PREX1: variants seen among roughly 807,000 people sequenced by gnomAD.
PREX1 encodes phosphatidylinositol 3,4,5-trisphosphate-dependent Rac exchanger 1 protein.
Under a neutral mutation model 198.3 loss-of-function variants are expected in PREX1, and 41 were observed. The ratio of observed to expected loss-of-function variants is 0.21; its 90% confidence interval spans 0.16 to 0.27. The LOEUF is 0.27. PREX1 is among the 10% of genes least tolerant of loss of function. The probability of loss-of-function intolerance (pLI) is 1.00; values close to 1 mark genes in which losing one functional copy is unlikely to be tolerated. For missense variants in PREX1, 1,620 were observed against 2,200.7 expected (o/e 0.74, Z 5.28); for synonymous variants, 843 against 887.2 (o/e 0.95, Z 0.89).
intron 1 of PREX1, among the ~76,000 whole-genome samples, chr20:48,767,800 G>T (rs1428648421): frequency 6.6e-6 from 1 of 151,658 alleles, no homozygotes; most frequent in African/African-American, 2.4e-5. Context: ...GCCCCTCATC[G>T]TCACTGCACA....
intron 6 of PREX1, among the ~76,000 whole-genome samples, chr20:48,701,386 A>AT (rs1239450063): frequency 3.3e-5 from 5 of 151,700 alleles, no homozygotes; most frequent in Non-Finnish European, 7.4e-5. Context: ...CTAATTTTGT[A>AT]TTTTTTTAGA....
the PREX1 span, among the ~76,000 whole-genome samples, chr20:48,875,769 G>A: frequency 6.6e-6 from 1 of 152,160 alleles, no homozygotes; most frequent in African/African-American, 2.4e-5. Context: ...GGTGTCACGA[G>A]GCGACAGGTG....
intron 22 of PREX1, 76 bp downstream of exon 22, chr20:48,651,320 T>A: frequency 1.3e-6 from 2 of 1,513,896 alleles, no homozygotes; most frequent in South Asian, 2.6e-5. Context: ...ACCCAACTCC[T>A]TCTCCCAACC....
chr20:48,797,853 A>G lies in PREX1; in HGVS notation c.219+29789T>C, dbSNP rs1046879108. The stretch of plus-strand genomic sequence containing the variant: ...ACTGAGGCCCAGGAGAGTCGATGAC[A>G]GGCCTGCAGTCCTGACAGAGCCAGT... On this transcript the variant is annotated intron_variant, in intron 1 of 39. Transcript: ENST00000371941. Among the ~76,000 whole-genome samples the G allele has an allele frequency of 5.9e-5, 9 of 152,306 alleles. No homozygotes were observed. In the South Asian group the frequency reaches 1.9e-3, roughly 32 times the overall value.
rs1315303816 is a variant in PREX1, at chr20:48,691,220, G to A, written c.1037-124C>T. On this transcript the variant is annotated intron_variant, in intron 8 of 39. Coordinates refer to ENST00000371941, the MANE Select transcript of PREX1 (RefSeq NM_020820.4). This position sits in a 1 kb window ranked among gnomAD's most constrained non-coding sequence, Gnocchi z 5.0. ...CTCGCCTGGATCAGGATGGGGAGCT[G>A]GACTTCCAGCCCTTCAAACGCTCAC... The A allele has an allele frequency of 8.1e-7, 1 of 1,235,326 alleles. No homozygotes were observed. The highest frequency in any genetic ancestry group is 1.2e-6 in the Non-Finnish European group (1 of 864,558). 76.5% of individuals were successfully genotyped at this position (1,235,326 alleles called of 1,614,324 possible). A position where few individuals can be genotyped will look rare whatever the true frequency, so the allele number is the denominator to read the frequency against.
rs2089607413 is a variant in PREX1 at position 48,662,885 on chromosome 20, A to G, written c.1739-2824T>C. Among the ~76,000 whole-genome samples the G allele has an allele frequency of 3.3e-5, 5 of 152,236 alleles. No homozygotes were observed. The South Asian group carries it at 8.3e-4, about 25-fold the overall frequency. On this transcript the variant is annotated intron_variant, in intron 15 of 39. Transcript: ENST00000371941. ...AGTCACCACCCAGCAGAATGTCCAC[A>G]GCCAGCAGCCTTCCCGGAATAGCAG...
chr20:48,739,447 T>G (rs2090071422), intron 3 of PREX1, among the ~76,000 whole-genome samples: 1 of 152,246 alleles, frequency 6.6e-6, no homozygotes, highest in African/African-American at 2.4e-5. Context: ...CCAATTTCCC[T>G]GGGTGTCCTT....
chr20:48,830,087 G>T (rs1426298701), upstream of PREX1, among the ~76,000 whole-genome samples: 1 of 152,158 alleles, frequency 6.6e-6, no homozygotes, highest in African/African-American at 2.4e-5. Context: ...CTCCAGGCTG[G>T]GCACAGTGGC....
At chr20:48,762,259 T>C (rs2090183996) in intron 1 of PREX1, among the ~76,000 whole-genome samples, 1 of 152,222 alleles carries the variant, frequency 6.6e-6, no homozygotes, top group South Asian at 2.1e-4. Context: ...TTTGGGCTCC[T>C]CAGTTGTTGA....
chr20:48,747,796 C>T lies in PREX1; in HGVS notation c.291+13G>A, dbSNP rs1266558696. 2 of 1,609,526 alleles carry T rather than the reference C, an allele frequency of 1.2e-6. No homozygotes were observed. The highest frequency in any genetic ancestry group is 1.3e-5 in the African/African-American group (1 of 74,856). On this transcript the variant is annotated intron_variant, in intron 2 of 39. Coordinates refer to ENST00000371941, the MANE Select transcript of PREX1 (RefSeq NM_020820.4). ...AGATGCTCTAGAACAGGGGCCAGCC[C>T]CAGCGTCCACACCTTGACATTCTCC...
chr20:48,702,016 G>C (rs2089877427), intron 6 of PREX1, among the ~76,000 whole-genome samples: 1 of 152,094 alleles, frequency 6.6e-6, no homozygotes. Flanking sequence ...TTCAAGACCA[G>C]CCTGGCAACA....
chr20:48,718,623 T>A (rs149845938), intron 5 of PREX1, among the ~76,000 whole-genome samples: 1 of 152,160 alleles, frequency 6.6e-6, no homozygotes, highest in Non-Finnish European at 1.5e-5. Flanking sequence ...AATTGAACTC[T>A]ATGGAGTTAA....
At chr20:48,676,538 C>T (rs1285551713) in intron 13 of PREX1, among the ~76,000 whole-genome samples, 1 of 152,184 alleles carries the variant, frequency 6.6e-6, no homozygotes, top group Non-Finnish European at 1.5e-5. Context: ...TGTCTCTAGC[C>T]CAGGAGATCT....
intron 35 of PREX1, among the ~76,000 whole-genome samples, chr20:48,631,836 C>A (rs1222425604): frequency 1.3e-5 from 2 of 152,100 alleles, no homozygotes; most frequent in Non-Finnish European, 2.9e-5. Context: ...CTCCTGCTCT[C>A]ACCCCTCCTC....
chr20:48,627,219 G>GCACATGGCATGGGA (rs1951924065), intron 39 of PREX1, among the ~76,000 whole-genome samples: 5 of 146,716 alleles, frequency 3.4e-5, no homozygotes, highest in Non-Finnish European at 6.0e-5. Context: ...GGGGTGGGGG[G>GCACATGGCATGGGA]CACATGGCAT....
intron 1 of PREX1, among the ~76,000 whole-genome samples, chr20:48,823,214 C>T (rs745412043): frequency 2.6e-5 from 4 of 152,150 alleles, no homozygotes; most frequent in Non-Finnish European, 4.4e-5. Context: ...CACGGGGAGA[C>T]CTTCGAGGAG....
chr20:48,884,026 G>C, the PREX1 span, among the ~76,000 whole-genome samples: 1 of 151,652 alleles, frequency 6.6e-6, no homozygotes, highest in Admixed American at 6.6e-5. Context: ...TGTAGTCTCA[G>C]CTACTCGGGA....
intron 6 of PREX1, among the ~76,000 whole-genome samples, chr20:48,705,357 T>TA (rs1160327852): frequency 6.6e-6 from 1 of 151,834 alleles, no homozygotes; most frequent in African/African-American, 2.4e-5. Flanking sequence ...GATCAGGGGG[T>TA]AAAAAACACA....
chr20:48,633,913 G>A (rs6012502), intron 33 of PREX1, among the ~76,000 whole-genome samples: 2,047 of 152,314 alleles, frequency 0.013, 50 homozygotes, highest in African/African-American at 0.047. Flanking sequence ...GGCCCAAAAC[G>A]CAGCCTGACA....
Sources: allele counts gnomAD v4.1 joint callset (sites outside exome capture counted in the v4.1 genomes callset), GRCh38; gene constraint gnomAD v4.1.1; non-coding constraint Gnocchi (gnomAD v3.1); transcripts MANE v1.5; gene names NCBI Gene and HGNC (gene_info 2026-07-23, HGNC 2026-07-21).